FBXW11: variants seen among roughly 807,000 people sequenced by gnomAD.
The protein encoded by FBXW11 is F-box/WD repeat-containing protein 11.
In FBXW11, 19 loss-of-function variants were observed where a neutral mutation model predicts 77.6. That is an observed-to-expected ratio of 0.24 (90% CI 0.17 to 0.36). FBXW11 has a LOEUF of 0.36. Among genes scored for constraint, FBXW11 ranks in the 10% least tolerant of loss-of-function variants. FBXW11 has a pLI of 1.00. For missense variants in FBXW11, 334 were observed against 704.2 expected, an observed-to-expected ratio of 0.47 and a Z score of 5.95; for synonymous variants, 235 against 249.4, an observed-to-expected ratio of 0.94 and a Z score of 0.54.
At chr5:171,921,794 A>G (rs1447316154) in intron 2 of FBXW11, among the ~76,000 whole-genome samples, 1 of 152,208 alleles carries the variant, frequency 6.6e-6, no homozygotes, top group African/African-American at 2.4e-5. Flanking sequence ...GCTGAAGTAC[A>G]GAGGCATGAT....
In FBXW11 at chr5:171,903,812, A is replaced by AT. The variant is rs199845369; in HGVS notation, c.437-3713dup. ...AAGTATGCACTACCATGCCAGGCTA[A>AT]TTTTTTTTAAAAAAAATTTTAGTAG... On this transcript the variant is annotated intron_variant, in intron 4 of 13. Transcript: ENST00000517395. Among the ~76,000 whole-genome samples, 1,325 of 151,512 alleles carry AT rather than the reference A, an allele frequency of 8.7e-3. 18 individuals are homozygous for AT. Among genetic ancestry groups the AT allele is most frequent in the African/African-American group, 0.031 (1,262 of 41,042 alleles).
At position 171,963,418 on chromosome 5, in the gene FBXW11, G is replaced by A. The variant is rs183419847; in HGVS notation, c.46-5720C>T. Among the ~76,000 whole-genome samples the A allele has an allele frequency of 8.5e-4, 130 of 152,288 alleles. 1 individual carries two copies. Among genetic ancestry groups the A allele is most frequent in the Non-Finnish European group, 6.5e-4 (44 of 68,030 alleles). ...ATTAATTTAGCATTAAAATACTTAA[G>A]TGTGAGATGAGAAAGGCTTAATTAG... On this transcript the variant is annotated intron_variant, in intron 1 of 13. Coordinates refer to ENST00000517395, the MANE Select transcript of FBXW11 (RefSeq NM_001378974.1).
At chr5:171,893,242 T>A (rs1392752843) in intron 6 of FBXW11, among the ~76,000 whole-genome samples, 3 of 151,362 alleles carry the variant, frequency 2.0e-5, no homozygotes, top group African/African-American at 7.3e-5. Flanking sequence ...CCCATACACA[T>A]CCTGAGGGCA....
In FBXW11 at chr5:171,960,329, C is replaced by T. The variant is rs117596221; in HGVS notation, c.46-2631G>A. 4.8e-4 allele frequency among the ~76,000 whole-genome samples: 73 copies of T among 152,258 alleles called. 1 individual carries two copies. In the East Asian group the frequency reaches 8.3e-3, roughly 17 times the overall value. On this transcript the variant is annotated intron_variant, in intron 1 of 13. Coordinates refer to ENST00000517395, the MANE Select transcript of FBXW11 (RefSeq NM_001378974.1). ...GGTGGAGGTTGCAGTGAGCCAAGATCGCAGCACTATACTCCAGCCTGGGCA... is the reference window on the plus strand; with the variant it reads ...GGTGGAGGTTGCAGTGAGCCAAGATTGCAGCACTATACTCCAGCCTGGGCA...
At position 171,885,436 on chromosome 5, in the gene FBXW11, G is replaced by A. The variant is rs554011392; in HGVS notation, c.852+6031C>T. On this transcript the variant is annotated intron_variant, in intron 7 of 13. Coordinates refer to ENST00000517395, the MANE Select transcript of FBXW11 (RefSeq NM_001378974.1). ...ACCCTACCCAGGCACTGGTTCTCCC[G>A]GATGTTTCTGCTCCAGTGAGTTATG... Among the ~76,000 whole-genome samples, 11 of 152,226 alleles carry A rather than the reference G, an allele frequency of 7.2e-5. No individual in the cohort carries two copies. In the East Asian group the frequency reaches 1.7e-3, roughly 24 times the overall value.
intron 1 of FBXW11, among the ~76,000 whole-genome samples, chr5:171,978,153 T>C (rs544851221): frequency 9.0e-6 from 1 of 110,526 alleles, no homozygotes; most frequent in Non-Finnish European, 2.1e-5. Context: ...CTCAAGCAGG[T>C]TCAGAGGAAC....
At chr5:171,933,591 G>A (rs891647237) in intron 2 of FBXW11, among the ~76,000 whole-genome samples, 1 of 152,128 alleles carries the variant, frequency 6.6e-6, no homozygotes, top group African/African-American at 2.4e-5. Context: ...GGTTGTGTGT[G>A]TATGTGGGTA....
chr5:171,894,642 G>C (rs1217961035), intron 6 of FBXW11, among the ~76,000 whole-genome samples: 1 of 150,516 alleles, frequency 6.6e-6, no homozygotes, highest in Admixed American at 6.6e-5. Context: ...CTGCCCCCAT[G>C]ATGTCTGACA....
Position 171,869,824 on chromosome 5 carries a change from G to A in FBXW11, c.1452-17C>T, listed in dbSNP as rs762205049. 5 of 1,571,760 alleles carry A rather than the reference G, an allele frequency of 3.2e-6. No homozygotes were observed. The highest frequency in any genetic ancestry group is 1.1e-5 in the South Asian group (1 of 87,740). ...TTAATTTTCCTAGAAAGGAAAATGA[G>A]ATGTGATTAGTGGAAAAGTGAACAA... On this transcript the variant is annotated splice_polypyrimidine_tract_variant and intron_variant, in intron 11 of 13. Transcript: ENST00000517395. The surrounding 1 kb of genome is among the most constrained non-coding windows in gnomAD (Gnocchi z 4.1).
chr5:171,932,752 T>G (rs1762279342), intron 2 of FBXW11, among the ~76,000 whole-genome samples: 1 of 152,072 alleles, frequency 6.6e-6, no homozygotes, highest in Admixed American at 6.6e-5. Flanking sequence ...TTAACATGGC[T>G]GTTTATAGCA....
At chr5:171,865,796 A>G (rs1757355849) in intron 13 of FBXW11, among the ~76,000 whole-genome samples, 1 of 151,954 alleles carries the variant, frequency 6.6e-6, no homozygotes. Flanking sequence ...TTTTTTAAAA[A>G]CGACTCCGCA....
At chr5:171,926,990 C>T (rs1296857248) in intron 2 of FBXW11, among the ~76,000 whole-genome samples, 10 of 151,868 alleles carry the variant, frequency 6.6e-5, no homozygotes, top group Non-Finnish European at 1.5e-5. Context: ...ATTTTGGGCC[C>T]TACCCTCTCA....
intron 6 of FBXW11, among the ~76,000 whole-genome samples, chr5:171,895,847 G>T (rs186361781): frequency 2.7e-4 from 41 of 152,322 alleles, no homozygotes; most frequent in African/African-American, 9.6e-4. Context: ...TAAGACTCTA[G>T]ACAGCAAAGG....
At chr5:171,868,523 A>T in intron 13 of FBXW11, 87 bp downstream of exon 13, 1 of 1,118,434 alleles carries the variant, frequency 8.9e-7, no homozygotes, top group Middle Eastern at 3.1e-4. Context: ...TGGTTCACAC[A>T]TCACCAAGGA....
chr5:171,944,978 A>G (rs1581237025), intron 2 of FBXW11, among the ~76,000 whole-genome samples: 1 of 152,286 alleles, frequency 6.6e-6, no homozygotes, highest in Non-Finnish European at 1.5e-5. Context: ...AGCACCTACT[A>G]CCTGCTGGGA....
chr5:171,925,737 G>A (rs750867298), intron 2 of FBXW11, among the ~76,000 whole-genome samples: 5 of 152,050 alleles, frequency 3.3e-5, no homozygotes, highest in South Asian at 2.1e-4. Context: ...ACTAATCTAC[G>A]CCAGTAAGCA....
chr5:171,912,647 C>T (rs140235365), intron 3 of FBXW11, among the ~76,000 whole-genome samples: 228 of 152,308 alleles, frequency 1.5e-3, no homozygotes, highest in African/African-American at 5.2e-3. Flanking sequence ...TGGCTCATGC[C>T]TGTAATCCCA....
chr5:171,920,092 G>A (rs1761499577), intron 2 of FBXW11, among the ~76,000 whole-genome samples: 1 of 152,172 alleles, frequency 6.6e-6, no homozygotes, highest in African/African-American at 2.4e-5. Context: ...GAACCCAGGA[G>A]GCAGAGGTTG....
chr5:171,872,290 AAAGTT>A (rs1430437557), intron 10 of FBXW11, among the ~76,000 whole-genome samples: 1 of 152,240 alleles, frequency 6.6e-6, no homozygotes, highest in Non-Finnish European at 1.5e-5. Flanking sequence ...ATTATAAACC[AAAGTT>A]AAGTTTAGTC....
Sources: allele counts gnomAD v4.1 joint callset (sites outside exome capture counted in the v4.1 genomes callset), GRCh38; gene constraint gnomAD v4.1.1; non-coding constraint Gnocchi (gnomAD v3.1); transcripts MANE v1.5; gene names NCBI Gene and HGNC (gene_info 2026-07-23, HGNC 2026-07-21).